ZFYVE9: variants seen among roughly 807,000 people sequenced by gnomAD.
ZFYVE9 encodes zinc finger FYVE-type containing 9.
A neutral mutation model predicts 126.7 loss-of-function variants in ZFYVE9; 43 were observed. The observed-to-expected ratio is 0.34, with a 90% CI of 0.27 to 0.44. The LOEUF (loss-of-function observed/expected upper bound fraction) is 0.44, where lower values mean the gene tolerates loss of function less well. Among genes scored for constraint, ZFYVE9 ranks in the 20% least tolerant of loss-of-function variants. ZFYVE9 has a pLI of 1.00. For synonymous variants in ZFYVE9, 521 were observed against 597.4 expected, an observed-to-expected ratio of 0.87 and a Z score of 1.87; for missense variants, 1,476 against 1,697.0, an observed-to-expected ratio of 0.87 and a Z score of 2.29.
At chr1:52,227,615 T>A (rs1168001174) in intron 2 of ZFYVE9, among the ~76,000 whole-genome samples, 1 of 152,238 alleles carries the variant, frequency 6.6e-6, no homozygotes, top group Non-Finnish European at 1.5e-5. Context: ...TTTTTAAAGT[T>A]AAAAACACTG....
intron 17 of ZFYVE9, among the ~76,000 whole-genome samples, chr1:52,341,187 G>A (rs991856469): frequency 6.6e-6 from 1 of 152,148 alleles, no homozygotes; most frequent in Non-Finnish European, 1.5e-5. Flanking sequence ...GCCATTGCAC[G>A]CCAGCCTGGG....
intron 1 of ZFYVE9, among the ~76,000 whole-genome samples, chr1:52,146,252 G>C (rs2124487609): frequency 6.6e-6 from 1 of 152,244 alleles, no homozygotes; most frequent in East Asian, 1.9e-4. Context: ...TCCACAGATT[G>C]TGGTATCCTG....
At chr1:52,298,416 G>C (rs180797605) in intron 12 of ZFYVE9, among the ~76,000 whole-genome samples, 295 of 152,290 alleles carry the variant, frequency 1.9e-3, no homozygotes, top group African/African-American at 6.9e-3. Flanking sequence ...CCTTTCTGCA[G>C]TGTGTGTTCT....
chr1:52,311,750 A>G (rs920793537), intron 13 of ZFYVE9, among the ~76,000 whole-genome samples: 30 of 152,104 alleles, frequency 2.0e-4, no homozygotes, highest in Admixed American at 1.3e-3. Context: ...GTTCATTTTT[A>G]TCATTCAGAT....
intron 1 of ZFYVE9, among the ~76,000 whole-genome samples, chr1:52,183,570 T>G (rs1306584407): frequency 6.6e-6 from 1 of 151,452 alleles, no homozygotes; most frequent in East Asian, 1.9e-4. Context: ...TGGTGCGATC[T>G]CAGCTCACTG....
At chr1:52,220,417 GTGGGTGAGA>G (rs1645112977) in intron 2 of ZFYVE9, among the ~76,000 whole-genome samples, 1 of 152,214 alleles carries the variant, frequency 6.6e-6, no homozygotes, top group Non-Finnish European at 1.5e-5. Flanking sequence ...CTTCTACCCA[GTGGGTGAGA>G]TGGTCTACTA....
intron 4 of ZFYVE9, among the ~76,000 whole-genome samples, chr1:52,244,805 C>T (rs1470342617): frequency 1.3e-5 from 2 of 152,094 alleles, no homozygotes; most frequent in Admixed American, 6.6e-5. Context: ...CTGTAGGACC[C>T]GTCTGTGCTA....
At chr1:52,328,304 G>A (rs1372297141) in intron 13 of ZFYVE9, among the ~76,000 whole-genome samples, 1 of 152,104 alleles carries the variant, frequency 6.6e-6, no homozygotes, top group Admixed American at 6.6e-5. Context: ...GGTGAAAATA[G>A]GTATAGATAC....
intron 1 of ZFYVE9, among the ~76,000 whole-genome samples, chr1:52,213,445 G>A (rs771442198): frequency 2.0e-5 from 3 of 152,120 alleles, no homozygotes; most frequent in Non-Finnish European, 4.4e-5. Flanking sequence ...GAGCTCAGGA[G>A]TTTGAGACCA....
At chr1:52,153,222 A>G (rs1396809269) in intron 1 of ZFYVE9, among the ~76,000 whole-genome samples, 2 of 152,188 alleles carry the variant, frequency 1.3e-5, no homozygotes, top group African/African-American at 4.8e-5. Flanking sequence ...AGTGATTGCT[A>G]CAGTCCATTC....
At chr1:52,241,031 ATT>A (rs1645328972) in intron 4 of ZFYVE9, among the ~76,000 whole-genome samples, 1 of 152,176 alleles carries the variant, frequency 6.6e-6, no homozygotes, top group Non-Finnish European at 1.5e-5. Flanking sequence ...ATCATACTAT[ATT>A]TGGGATTCTT....
intron 2 of ZFYVE9, among the ~76,000 whole-genome samples, chr1:52,224,801 C>T (rs1197092501): frequency 6.6e-6 from 1 of 152,128 alleles, no homozygotes. Context: ...ATTTCCCATC[C>T]TGGCGGTTGG....
At chr1:52,284,661 C>T (rs894066127) in intron 10 of ZFYVE9, among the ~76,000 whole-genome samples, 6 of 152,154 alleles carry the variant, frequency 3.9e-5, no homozygotes, top group Admixed American at 1.3e-4. Context: ...CTTCGTGATC[C>T]GCCCGCCTCG....
At chr1:52,179,498 G>A (rs904032180) in intron 1 of ZFYVE9, among the ~76,000 whole-genome samples, 5 of 152,190 alleles carry the variant, frequency 3.3e-5, no homozygotes, top group Admixed American at 6.5e-5. Flanking sequence ...GTTGGGCGTG[G>A]TGGCACATGC....
At chr1:52,332,345 G>A (rs529827075) in intron 13 of ZFYVE9, among the ~76,000 whole-genome samples, 1 of 152,228 alleles carries the variant, frequency 6.6e-6, no homozygotes, top group South Asian at 2.1e-4. Context: ...TTTTTAGAGG[G>A]AAGTTCACTC....
intron 13 of ZFYVE9, among the ~76,000 whole-genome samples, chr1:52,318,436 G>T (rs1309989386): frequency 6.7e-6 from 1 of 149,236 alleles, no homozygotes; most frequent in Non-Finnish European, 1.5e-5. Context: ...TCTAAGAAGA[G>T]AACTTTCACA....
chr1:52,269,852 G>T (rs781356840), intron 7 of ZFYVE9, among the ~76,000 whole-genome samples: 16 of 151,630 alleles, frequency 1.1e-4, no homozygotes, highest in Admixed American at 6.6e-5. Flanking sequence ...TAGTGCCGCA[G>T]ACATGGCTCT....
intron 10 of ZFYVE9, among the ~76,000 whole-genome samples, chr1:52,283,767 T>C (rs1645827623): frequency 1.3e-5 from 2 of 152,228 alleles, no homozygotes; most frequent in Admixed American, 1.3e-4. Context: ...ATGAGAGGTC[T>C]ATATCTGGAT....
chr1:52,237,770 G>T lies in ZFYVE9; in HGVS notation c.353G>T (p.Arg118Ile). The change falls in exon 4 of 19, where the codon AGA (arginine) becomes ATA (isoleucine). Residue 118 changes from arginine (R) to isoleucine (I), a missense_variant. Arg to Ile is a moderately conservative substitution (Grantham distance 97, BLOSUM62 -3). Transcript: ENST00000287727. ...NAVAEDQLIK[R>I]NYSWDDQCSA... ...GTTGCAGAAGACCAGTTAATTAAGA[G>T]AAACTATAGTTGGGATGATCAATGC... is the stretch of plus-strand genomic sequence containing the variant. The T allele has an allele frequency of 6.2e-7, 1 of 1,614,132 alleles. No homozygotes were observed. The highest frequency in any genetic ancestry group is 1.6e-4 in the Middle Eastern group (1 of 6,062).
Sources: gnomAD v4.1 joint callset for allele counts (sites outside exome capture counted in the v4.1 genomes callset) on GRCh38, gnomAD v4.1.1 for gene constraint, MANE v1.5 for transcripts, NCBI Gene and HGNC (gene_info 2026-07-23, HGNC 2026-07-21) for gene names.